THSD7B: variants seen among roughly 807,000 people sequenced by gnomAD.
THSD7B encodes the protein thrombospondin type-1 domain-containing protein 7B.
Under a neutral mutation model 213.6 loss-of-function variants are expected in THSD7B, and 138 were observed. The observed-to-expected ratio is 0.65, with a 90% CI of 0.56 to 0.74. THSD7B has a LOEUF of 0.74. Among genes scored for constraint, THSD7B ranks in the 30% least tolerant of loss-of-function variants. The pLI is 0.00. For synonymous variants in THSD7B, 742 were observed against 687.0 expected (o/e 1.08, Z -1.25); for missense variants, 1,931 against 1,991.5 (o/e 0.97, Z 0.58).
At chr2:137,060,944 A>G (rs564878880) in intron 3 of THSD7B, among the ~76,000 whole-genome samples, 8 of 151,990 alleles carry the variant, frequency 5.3e-5, no homozygotes, top group South Asian at 4.1e-4. Context: ...GGGAAGAACT[A>G]ATATATTGAT....
intron 2 of THSD7B, among the ~76,000 whole-genome samples, chr2:137,055,149 C>T (rs754802423): frequency 1.4e-4 from 22 of 152,116 alleles, no homozygotes; most frequent in African/African-American, 4.6e-4. Context: ...CCATGGTGTA[C>T]GTGTGCCACA....
rs1047924524 is a variant in THSD7B at position 137,432,376 on chromosome 2, C to T, written c.2960-18469C>T. On this transcript the variant is annotated intron_variant, in intron 14 of 27. Coordinates refer to ENST00000409968, the MANE Select transcript of THSD7B (RefSeq NM_001316349.2). ...ACTGCGCTCCAGCCTGCCGACAGAGCGGAACTCTGTCTCAAAAATAAAATA... is the reference window on the plus strand; with the variant it reads ...ACTGCGCTCCAGCCTGCCGACAGAGTGGAACTCTGTCTCAAAAATAAAATA... Among the ~76,000 whole-genome samples the T allele has an allele frequency of 3.9e-5, 6 of 152,136 alleles. 1 individual carries two copies. The highest frequency in any genetic ancestry group is 1.3e-4 in the Admixed American group (2 of 15,280).
At chr2:136,811,668 C>A (rs1259022026) in intron 1 of THSD7B, among the ~76,000 whole-genome samples, 3 of 152,144 alleles carry the variant, frequency 2.0e-5, no homozygotes, top group Non-Finnish European at 4.4e-5. Context: ...TGAACCTAGA[C>A]TTTAGATATA....
chr2:136,895,244 T>C (rs1683935096), intron 2 of THSD7B, among the ~76,000 whole-genome samples: 1 of 152,202 alleles, frequency 6.6e-6, no homozygotes, highest in Non-Finnish European at 1.5e-5. Context: ...CCATTTTATT[T>C]TACAGTTGAA....
chr2:137,139,245 G>A lies in THSD7B; in HGVS notation c.1370-20968G>A, dbSNP rs576926166. The stretch of plus-strand genomic sequence containing the variant: ...TGCTGATTGAGGGTCAGTAGAGTAA[G>A]TGCATGGAATTATTTTCAAGGAATG... On this transcript the variant is annotated intron_variant, in intron 5 of 27. Transcript: ENST00000409968. Among the ~76,000 whole-genome samples the A allele has an allele frequency of 2.2e-4, 33 of 152,272 alleles. 3 individuals carry two copies. The South Asian group carries it at 6.6e-3, about 31-fold the overall frequency.
At chr2:137,539,893 G>T (rs1346780672) in intron 15 of THSD7B, among the ~76,000 whole-genome samples, 1 of 151,498 alleles carries the variant, frequency 6.6e-6, no homozygotes, top group Admixed American at 6.6e-5. Context: ...TGTATTTCTT[G>T]CTGAATAATC....
intron 1 of THSD7B, among the ~76,000 whole-genome samples, chr2:136,878,337 T>C (rs1001170759): frequency 2.6e-5 from 4 of 152,224 alleles, no homozygotes; most frequent in African/African-American, 7.2e-5. Flanking sequence ...TTTGGGTTGG[T>C]TCCAAGTCTT....
intron 12 of THSD7B, among the ~76,000 whole-genome samples, chr2:137,365,031 A>C (rs2104941427): frequency 6.6e-6 from 1 of 152,332 alleles, no homozygotes; most frequent in African/African-American, 2.4e-5. Flanking sequence ...TGGTGCTGGT[A>C]CCAGAACAGA....
chr2:137,047,398 A>C (rs1317652414), intron 2 of THSD7B, among the ~76,000 whole-genome samples: 7 of 152,234 alleles, frequency 4.6e-5, no homozygotes. Context: ...GTTACCGAGC[A>C]CAGGCTCAGG....
intron 20 of THSD7B, among the ~76,000 whole-genome samples, chr2:137,627,975 G>T (rs1007482379): frequency 6.6e-6 from 1 of 152,204 alleles, no homozygotes; most frequent in African/African-American, 2.4e-5. Flanking sequence ...AGCTGTTTAA[G>T]CAATTAGCTG....
chr2:137,002,278 A>G (rs1686014366), intron 2 of THSD7B, among the ~76,000 whole-genome samples: 2 of 152,104 alleles, frequency 1.3e-5, no homozygotes, highest in South Asian at 2.1e-4. Context: ...CTCTAAAATC[A>G]TAGACTACCC....
intron 3 of THSD7B, among the ~76,000 whole-genome samples, chr2:137,079,180 T>C (rs1259476798): frequency 6.6e-6 from 1 of 152,140 alleles, no homozygotes; most frequent in Non-Finnish European, 1.5e-5. Context: ...ATTGCAAATT[T>C]TCTATGTACA....
intron 2 of THSD7B, among the ~76,000 whole-genome samples, chr2:136,918,234 C>T (rs1684378209): frequency 6.6e-6 from 1 of 152,116 alleles, no homozygotes. Flanking sequence ...AGAACTAGAA[C>T]TTAGGTTATC....
At chr2:137,158,835 C>T (rs1238830921) in intron 5 of THSD7B, among the ~76,000 whole-genome samples, 1 of 152,150 alleles carries the variant, frequency 6.6e-6, no homozygotes, top group Non-Finnish European at 1.5e-5. Context: ...ACCTTGGAAG[C>T]ATTTCTAGTG....
chr2:137,060,650 T>A (rs1197300867), intron 3 of THSD7B, among the ~76,000 whole-genome samples: 4 of 152,048 alleles, frequency 2.6e-5, no homozygotes, highest in Admixed American at 2.6e-4. Context: ...CTATGCTTTT[T>A]TGACAAAGAT....
chr2:137,502,988 A>G (rs1432648039), intron 15 of THSD7B, among the ~76,000 whole-genome samples: 1 of 152,202 alleles, frequency 6.6e-6, no homozygotes, highest in East Asian at 1.9e-4. Context: ...CATATATTAC[A>G]TAATAACAGG....
chr2:137,553,643 A>AT (rs999041864), intron 15 of THSD7B, among the ~76,000 whole-genome samples: 13 of 152,132 alleles, frequency 8.5e-5, no homozygotes, highest in East Asian at 1.9e-4. Flanking sequence ...TTTCAGTGGC[A>AT]TTTTTTTAGC....
At chr2:137,516,116 A>G (rs759644648) in intron 15 of THSD7B, among the ~76,000 whole-genome samples, 7 of 152,246 alleles carry the variant, frequency 4.6e-5, no homozygotes, top group Non-Finnish European at 8.8e-5. Context: ...TGTAGCTGCC[A>G]TAATGGACAG....
chr2:137,037,414 G>GTATA (rs58423996), intron 2 of THSD7B, among the ~76,000 whole-genome samples: 45 of 150,686 alleles, frequency 3.0e-4, no homozygotes, highest in South Asian at 6.3e-4. Flanking sequence ...GTATGTATAC[G>GTATA]TATATATATA....
Sources: allele counts gnomAD v4.1 joint callset (sites outside exome capture counted in the v4.1 genomes callset), GRCh38; gene constraint gnomAD v4.1.1; transcripts MANE v1.5; gene names NCBI Gene and HGNC (gene_info 2026-07-23, HGNC 2026-07-21).